CHST9: variants seen among roughly 807,000 people sequenced by gnomAD.
CHST9 encodes carbohydrate sulfotransferase 9.
In CHST9, 41 loss-of-function variants were observed where a neutral mutation model predicts 44.4. The ratio of observed to expected loss-of-function variants is 0.92; its 90% CI spans 0.72 to 1.20. The LOEUF is 1.20. Ranked by LOEUF, CHST9 falls within the 50% of genes most tolerant of loss-of-function variation. CHST9 has a pLI of 0.00. For missense variants in CHST9, 504 were observed against 516.5 expected (o/e 0.98, Z 0.23); for synonymous variants, 171 against 178.4 (o/e 0.96, Z 0.33).
At chr18:26,927,472 G>C (rs781370404) in intron 5 of CHST9, among the ~76,000 whole-genome samples, 8 of 152,206 alleles carry the variant, frequency 5.3e-5, no homozygotes, top group African/African-American at 1.7e-4. Flanking sequence ...CTCTGAGAGG[G>C]GGATGTGGCA....
chr18:27,006,320 G>C (rs903432876), intron 4 of CHST9, among the ~76,000 whole-genome samples: 1 of 152,090 alleles, frequency 6.6e-6, no homozygotes, highest in Non-Finnish European at 1.5e-5. Context: ...TATACACTGG[G>C]TGTGGAGAGG....
At chr18:26,980,277 T>C (rs1483276557) in intron 4 of CHST9, among the ~76,000 whole-genome samples, 1 of 152,174 alleles carries the variant, frequency 6.6e-6, no homozygotes, top group Non-Finnish European at 1.5e-5. Context: ...GCAAATGTAA[T>C]AAATTATTAC....
chr18:26,929,522 A>G (rs1412948014), intron 5 of CHST9, among the ~76,000 whole-genome samples: 1 of 152,188 alleles, frequency 6.6e-6, no homozygotes, highest in Non-Finnish European at 1.5e-5. Flanking sequence ...TGCTTTCCCA[A>G]CTTCAGATTA....
chr18:27,031,552 A>G (rs2057340987), intron 3 of CHST9, among the ~76,000 whole-genome samples: 1 of 152,208 alleles, frequency 6.6e-6, no homozygotes, highest in South Asian at 2.1e-4. Context: ...TGGCTTCAGC[A>G]TCCATTTTCA....
At chr18:27,073,183 C>A (rs552422317) in intron 2 of CHST9, among the ~76,000 whole-genome samples, 1 of 152,152 alleles carries the variant, frequency 6.6e-6, no homozygotes, top group East Asian at 1.9e-4. Flanking sequence ...AGAACTCCAA[C>A]CACTATGACG....
chr18:27,087,488 C>T (rs2058024106), intron 2 of CHST9, among the ~76,000 whole-genome samples: 1 of 152,108 alleles, frequency 6.6e-6, no homozygotes, highest in Non-Finnish European at 1.5e-5. Context: ...TTCATTTTTT[C>T]TCCCTAATAT....
At position 26,910,633 on chromosome 18, in the gene CHST9, G is replaced by A. The variant is rs192954232; in HGVS notation, c.*5626C>T. On this transcript the variant is annotated 3_prime_UTR_variant, in exon 6 of 6. Transcript: ENST00000618847. ...CCCAATGTTGGCAGCTAATTCAGATGTTAAATAAAATGCACTGTCAGCCAA... is the reference window on the plus strand; with the variant it reads ...CCCAATGTTGGCAGCTAATTCAGATATTAAATAAAATGCACTGTCAGCCAA... The A allele has an allele frequency of 6.6e-6, 1 of 152,266 alleles. No individual in the cohort carries two copies. Among genetic ancestry groups the A allele is most frequent in the Non-Finnish European group, 1.5e-5 (1 of 68,018 alleles). The allele number at this position is 152,266 out of a possible 1,614,324, so 9.4% of individuals were successfully genotyped here.
chr18:27,031,891 G>A (rs1561191), intron 3 of CHST9, among the ~76,000 whole-genome samples: 97,424 of 152,116 alleles, frequency 0.64, 31,509 homozygotes, highest in East Asian at 0.73. Context: ...GGAAGGCAAC[G>A]GCACAGGCAT....
intron 2 of CHST9, among the ~76,000 whole-genome samples, chr18:27,053,280 G>GAGAAGA (rs2057607542): frequency 1.2e-5 from 1 of 86,040 alleles, no homozygotes; most frequent in Non-Finnish European, 2.8e-5. Context: ...GAAGGAGAAG[G>GAGAAGA]AGAAGGAGAA....
intron 5 of CHST9, among the ~76,000 whole-genome samples, chr18:26,930,994 T>G (rs2055868865): frequency 6.6e-6 from 1 of 152,090 alleles, no homozygotes; most frequent in Non-Finnish European, 1.5e-5. Context: ...CATTACCTAC[T>G]AGTCCAAAGC....
At chr18:27,120,205 T>C (rs756179062) in intron 2 of CHST9, among the ~76,000 whole-genome samples, 1 of 152,200 alleles carries the variant, frequency 6.6e-6, no homozygotes, top group Non-Finnish European at 1.5e-5. Context: ...TATATTTCAA[T>C]TGCCTACATT....
At chr18:27,078,074 C>T (rs552509762) in intron 2 of CHST9, among the ~76,000 whole-genome samples, 5 of 152,270 alleles carry the variant, frequency 3.3e-5, no homozygotes, top group South Asian at 2.1e-4. Flanking sequence ...GTCCAATCAC[C>T]TCCCACCAGG....
intron 1 of CHST9, chr18:27,147,803 A>G (rs899801885): frequency 4.0e-5 from 6 of 151,174 alleles, no homozygotes; most frequent in Non-Finnish European, 5.9e-5. Context: ...TGATCACCTA[A>G]TATGTGTGTG....
intron 4 of CHST9, among the ~76,000 whole-genome samples, chr18:26,976,968 T>C (rs1473553467): frequency 1.3e-5 from 2 of 152,054 alleles, no homozygotes; most frequent in African/African-American, 4.8e-5. Context: ...TAAAGAAAGA[T>C]GTTATTTGCA....
chr18:26,964,423 T>C (rs905688570), intron 4 of CHST9, among the ~76,000 whole-genome samples: 1 of 152,252 alleles, frequency 6.6e-6, no homozygotes, highest in African/African-American at 2.4e-5. Context: ...ATTTCCCATT[T>C]AGTGCATGTT....
At chr18:26,985,081 T>C (rs1464591073) in intron 4 of CHST9, among the ~76,000 whole-genome samples, 1 of 152,110 alleles carries the variant, frequency 6.6e-6, no homozygotes, top group Non-Finnish European at 1.5e-5. Flanking sequence ...AGATCCAAAA[T>C]GGAAACAACC....
intron 5 of CHST9, among the ~76,000 whole-genome samples, chr18:26,919,780 G>T (rs1194868092): frequency 6.6e-6 from 1 of 152,062 alleles, no homozygotes; most frequent in African/African-American, 2.4e-5. Context: ...ATCTCCAGGG[G>T]TTTCTGGAAT....
At chr18:27,058,796 C>T (rs897318874) in intron 2 of CHST9, among the ~76,000 whole-genome samples, 3 of 152,134 alleles carry the variant, frequency 2.0e-5, no homozygotes, top group Admixed American at 2.0e-4. Flanking sequence ...AACTGCCCTG[C>T]CAGACTTTTC....
At chr18:26,925,772 T>C (rs1325629239) in intron 5 of CHST9, 1 of 152,254 alleles carries the variant, frequency 6.6e-6, no homozygotes, top group Non-Finnish European at 1.5e-5. Context: ...GATTCCTTAA[T>C]GTAAATATGT....
Sources: allele counts gnomAD v4.1 joint callset (sites outside exome capture counted in the v4.1 genomes callset), GRCh38; gene constraint gnomAD v4.1.1; transcripts MANE v1.5; gene names NCBI Gene and HGNC (gene_info 2026-07-23, HGNC 2026-07-21).